The following CCDC149 variants were observed in gnomAD, a reference collection of about 807,000 sequenced individuals.
CCDC149 encodes coiled-coil domain-containing protein 149.
Under a neutral mutation model 59.9 loss-of-function variants are expected in CCDC149, and 45 were observed. That is an observed-to-expected ratio of 0.75 (90% CI 0.59 to 0.96). The LOEUF is 0.96. Ranked by LOEUF, CCDC149 falls within the 40% of genes least tolerant of loss-of-function variation. The pLI, the probability that CCDC149 is intolerant of heterozygous loss-of-function variation, is 0.00. For synonymous variants in CCDC149, 245 were observed against 260.6 expected (o/e 0.94, Z 0.58); for missense variants, 584 against 664.7 (o/e 0.88, Z 1.33).
intron 1 of CCDC149, among the ~76,000 whole-genome samples, chr4:24,952,638 T>A (rs1337395236): frequency 3.0e-3 from 57 of 19,058 alleles, no homozygotes; most frequent in Non-Finnish European, 6.7e-3. Flanking sequence ...TATATATATA[T>A]ATATATATAT....
chr4:24,912,745 C>T, intron 1 of CCDC149, 72 bp downstream of exon 1: 5 of 1,113,602 alleles, frequency 4.5e-6, no homozygotes, highest in Non-Finnish European at 5.5e-6. Context: ...CTCGGCCTCT[C>T]TGGGGGCGCG....
At chr4:24,978,555 A>G (rs1402395209) in intron 1 of CCDC149, among the ~76,000 whole-genome samples, 1 of 152,196 alleles carries the variant, frequency 6.6e-6, no homozygotes, top group Non-Finnish European at 1.5e-5. Context: ...GAGGAGTCAG[A>G]AAAATCAGAA....
At chr4:24,818,114 T>A (rs542653063) in intron 12 of CCDC149, among the ~76,000 whole-genome samples, 1 of 152,130 alleles carries the variant, frequency 6.6e-6, no homozygotes, top group Non-Finnish European at 1.5e-5. Flanking sequence ...GCCTGAACCA[T>A]GCCAGAAGTG....
intron 1 of CCDC149, among the ~76,000 whole-genome samples, chr4:24,953,787 G>A (rs1253562192): frequency 6.6e-6 from 1 of 152,022 alleles, no homozygotes; most frequent in Admixed American, 6.6e-5. Context: ...AGGAAGATGT[G>A]GAGAAAGTCA....
intron 12 of CCDC149, among the ~76,000 whole-genome samples, chr4:24,813,678 A>G (rs1714821210): frequency 6.6e-6 from 1 of 152,022 alleles, no homozygotes; most frequent in African/African-American, 2.4e-5. Flanking sequence ...ATTGATTGAT[A>G]TGCATGGTAT....
chr4:24,839,904 G>A lies in CCDC149; in HGVS notation c.373-1632C>T, dbSNP rs188124667. Among the ~76,000 whole-genome samples the A allele has an allele frequency of 3.9e-5, 6 of 152,314 alleles. No individual in the cohort carries two copies. The East Asian group carries it at 1.2e-3, about 29-fold the overall frequency. On this transcript the variant is annotated intron_variant, in intron 4 of 12. Coordinates refer to ENST00000635206, the MANE Select transcript of CCDC149 (RefSeq NM_001330643.2). ...GGGATCCTGGGGACAGTTTTTCACT[G>A]TCACACAGATCCGACCCAGCCAGGA...
upstream of CCDC149, among the ~76,000 whole-genome samples, chr4:24,913,709 T>G (rs1183155770): frequency 1.3e-5 from 2 of 152,232 alleles, no homozygotes; most frequent in Non-Finnish European, 2.9e-5. Context: ...CTTGGGAGGC[T>G]GAGGCAGGAG....
chr4:24,837,278 A>G lies in CCDC149; in HGVS notation c.612T>C (p.Ser204=), dbSNP rs1716602570. Residue 204 remains serine (S), a synonymous_variant, in exon 6 of 13, where the codon AGT becomes AGC. Transcript: ENST00000635206. The surrounding 1 kb of genome is among the most constrained non-coding windows in gnomAD (Gnocchi z 4.3). ...CGTCAATGATGCGGTTCTCGTGCCC[A>G]CTCAGGATATGGTTCAGCTCCTGGT... 2 of 1,614,102 alleles carry G rather than the reference A, an allele frequency of 1.2e-6. No individual in the cohort carries two copies. The highest frequency in any genetic ancestry group is 1.7e-6 in the Non-Finnish European group (2 of 1,180,010).
At chr4:24,869,091 G>A (rs1718870368) in intron 3 of CCDC149, among the ~76,000 whole-genome samples, 2 of 152,342 alleles carry the variant, frequency 1.3e-5, no homozygotes, top group Non-Finnish European at 2.9e-5. Context: ...TCCTGCGACT[G>A]TTTTAAGAAG....
rs61734397 is a variant in CCDC149, at chr4:24,808,725, T to A, written c.1287A>T (p.Pro429=). The stretch of plus-strand genomic sequence containing the variant: ...ATTGGTTCCCGCGGCTCTGATTTGC[T>A]GGGGAGTTGACAGCGGGCCTCCCAG... The change falls in exon 13 of 13, where the codon CCA becomes CCT. Residue 429 remains proline, a synonymous_variant. Transcript: ENST00000635206. 1 of 1,552,112 alleles carries A rather than the reference T, an allele frequency of 6.4e-7. No homozygotes were observed. Among genetic ancestry groups the A allele is most frequent in the Non-Finnish European group, 8.7e-7 (1 of 1,147,116 alleles).
intron 1 of CCDC149, among the ~76,000 whole-genome samples, chr4:24,880,355 G>A (rs569221459): frequency 2.6e-5 from 4 of 152,320 alleles, no homozygotes; most frequent in African/African-American, 7.2e-5. Flanking sequence ...ACTCTATGAT[G>A]TTCACACAAT....
At chr4:24,931,829 G>A (rs374451291) in intron 1 of CCDC149, among the ~76,000 whole-genome samples, 19 of 76,912 alleles carry the variant, frequency 2.5e-4, no homozygotes, top group South Asian at 1.4e-3. Context: ...TGGAGAGTAT[G>A]TATATATATA....
intron 1 of CCDC149, among the ~76,000 whole-genome samples, chr4:24,951,869 A>G (rs1220758117): frequency 2.0e-5 from 3 of 152,212 alleles, no homozygotes; most frequent in Admixed American, 1.3e-4. Context: ...TAAAGCCCAC[A>G]CTGCAGATGC....
intron 1 of CCDC149, among the ~76,000 whole-genome samples, chr4:24,973,937 C>G (rs907668744): frequency 2.0e-5 from 3 of 152,236 alleles, no homozygotes; most frequent in Non-Finnish European, 4.4e-5. Context: ...AGTCCCCGAG[C>G]CCGGGAAGCC....
chr4:24,869,645 AC>A (rs1413508681), intron 3 of CCDC149, among the ~76,000 whole-genome samples: 1 of 152,162 alleles, frequency 6.6e-6, no homozygotes, highest in Non-Finnish European at 1.5e-5. Context: ...ATGGATGCTC[AC>A]CTTGTGCCAG....
chr4:24,905,882 C>G (rs570360885), intron 1 of CCDC149, among the ~76,000 whole-genome samples: 2 of 152,302 alleles, frequency 1.3e-5, no homozygotes, highest in Middle Eastern at 6.8e-3. Context: ...ATGTACAATT[C>G]TCCACTCATC....
intron 1 of CCDC149, among the ~76,000 whole-genome samples, chr4:24,975,521 T>G (rs899533524): frequency 6.5e-5 from 7 of 107,976 alleles, no homozygotes; most frequent in Admixed American, 1.3e-4. Context: ...GAAGGAAAAG[T>G]AGGATAGGGA....
chr4:24,907,839 C>G (rs551643662), intron 1 of CCDC149, among the ~76,000 whole-genome samples: 3 of 152,318 alleles, frequency 2.0e-5, no homozygotes, highest in Non-Finnish European at 4.4e-5. Flanking sequence ...CCCAGTGAGG[C>G]TCTCAGGGAG....
At chr4:24,825,784 A>AC (rs376713761) in intron 9 of CCDC149, among the ~76,000 whole-genome samples, 174 of 152,056 alleles carry the variant, frequency 1.1e-3, no homozygotes, top group African/African-American at 3.7e-3. Flanking sequence ...AAAAAAAAAA[A>AC]ACACACACAT....
Sources: gnomAD v4.1 joint callset for allele counts (sites outside exome capture counted in the v4.1 genomes callset) on GRCh38, gnomAD v4.1.1 for gene constraint, Gnocchi (gnomAD v3.1) non-coding constraint, MANE v1.5 for transcripts, NCBI Gene and HGNC (gene_info 2026-07-23, HGNC 2026-07-21) for gene names.